ACOX3: variants seen among roughly 807,000 people sequenced by gnomAD.
The protein encoded by ACOX3 is acyl-CoA oxidase 3, pristanoyl.
Under a neutral mutation model 81.5 loss-of-function variants are expected in ACOX3, and 73 were observed. The observed-to-expected ratio is 0.90, with a 90% CI of 0.74 to 1.09. The LOEUF is 1.09. Among genes scored for constraint, ACOX3 ranks in the 50% least tolerant of loss-of-function variants. ACOX3 has a pLI of 0.00. For synonymous variants in ACOX3, 387 were observed against 375.1 expected, an observed-to-expected ratio of 1.03 and a Z score of -0.37; for missense variants, 947 against 928.0, an observed-to-expected ratio of 1.02 and a Z score of -0.27.
At chr4:8,356,965 T>TGCA in the ACOX3 span, 4 of 452,180 alleles carry the variant, frequency 8.8e-6, no homozygotes, top group South Asian at 6.2e-5. Context: ...AGCAGAATGG[T>TGCA]GCATGCTAAG....
rs533523649 is a variant in ACOX3 at position 8,382,303 on chromosome 4, G to C, written c.1538-696C>G. Among the ~76,000 whole-genome samples, 1 of 152,190 alleles carries C rather than the reference G, an allele frequency of 6.6e-6. No homozygotes were observed. Among genetic ancestry groups the C allele is most frequent in the African/African-American group, 2.4e-5 (1 of 41,444 alleles). ...CCCTGGCAGTGGTGCCCACATCTGC[G>C]GGGCCCCCCACAGCACAGCCAGAGC... On this transcript the variant is annotated intron_variant, in intron 13 of 17. Coordinates refer to ENST00000356406, the MANE Select transcript of ACOX3 (RefSeq NM_003501.3). This position sits in a 1 kb window ranked among gnomAD's most constrained non-coding sequence, Gnocchi z 4.1.
At chr4:8,433,177 C>T (rs2109046822) in intron 1 of ACOX3, among the ~76,000 whole-genome samples, 1 of 152,376 alleles carries the variant, frequency 6.6e-6, no homozygotes, top group Admixed American at 6.5e-5. Flanking sequence ...CAAAGGGAAA[C>T]AGTCTGAGAT....
rs111735591 is a variant in ACOX3, at chr4:8,432,433, CTG to C, written c.-15+8213_-15+8214del. On this transcript the variant is annotated intron_variant, in intron 1 of 17. Transcript: ENST00000356406. This position sits in a 1 kb window ranked among gnomAD's most constrained non-coding sequence, Gnocchi z 6.2. ...TATTTTTAGTAGAGACAGGTTTTCA[CTG>C]TGTTAGCCAGGATAGTCTCGATCTC... Among the ~76,000 whole-genome samples, 4 of 152,162 alleles carry C rather than the reference CTG, an allele frequency of 2.6e-5. 1 individual carries two copies. Among genetic ancestry groups the C allele is most frequent in the African/African-American group, 9.6e-5 (4 of 41,516 alleles).
chr4:8,365,324 A>G (rs1184085219), downstream of ACOX3, among the ~76,000 whole-genome samples: 5 of 152,256 alleles, frequency 3.3e-5, no homozygotes, highest in Non-Finnish European at 7.3e-5. Context: ...GAAAGCAGGA[A>G]GAGTATCATA....
chr4:8,367,112 CAA>C, intron 17 of ACOX3, 32 bp from the exon 18 acceptor site: 1 of 1,605,204 alleles, frequency 6.2e-7, no homozygotes. Flanking sequence ...CAAGTGAAGA[CAA>C]AGAAATAAGA....
chr4:8,359,985 G>A, the ACOX3 span, among the ~76,000 whole-genome samples: 1 of 152,154 alleles, frequency 6.6e-6, no homozygotes, highest in Non-Finnish European at 1.5e-5. This position sits in a 1 kb window ranked among gnomAD's most constrained non-coding sequence, Gnocchi z 6.0. Context: ...CACGGACTTA[G>A]GACACCTTTA....
chr4:8,398,899 T>C (rs895740386), intron 8 of ACOX3, among the ~76,000 whole-genome samples: 3 of 152,236 alleles, frequency 2.0e-5, no homozygotes, highest in African/African-American at 7.2e-5. Flanking sequence ...TTTTAATTGA[T>C]GTTGGATTAA....
intron 7 of ACOX3, among the ~76,000 whole-genome samples, chr4:8,402,349 A>G (rs1208150745): frequency 3.3e-5 from 5 of 152,196 alleles, no homozygotes; most frequent in African/African-American, 1.2e-4. Flanking sequence ...CCAGCTGCCC[A>G]GTTTGGTAGC....
intron 14 of ACOX3, among the ~76,000 whole-genome samples, chr4:8,379,099 C>A (rs1226044672): frequency 6.6e-6 from 1 of 152,248 alleles, no homozygotes; most frequent in Non-Finnish European, 1.5e-5. Flanking sequence ...CTTCCACAGG[C>A]TGCTGTGTGT....
chr4:8,414,001 A>C lies in ACOX3; in HGVS notation c.543+291T>G, dbSNP rs1424053427. Among the ~76,000 whole-genome samples the C allele has an allele frequency of 6.6e-6, 1 of 152,212 alleles. No individual in the cohort carries two copies. Among genetic ancestry groups the C allele is most frequent in the African/African-American group, 2.4e-5 (1 of 41,450 alleles). ...GCATAGGCAGCCAGGTAAACAAGGC[A>C]ATAAATTTTACAGAATGAGGGCTTC... is the stretch of plus-strand genomic sequence containing the variant. On this transcript the variant is annotated intron_variant, in intron 5 of 17. Coordinates refer to ENST00000356406, the MANE Select transcript of ACOX3 (RefSeq NM_003501.3). The surrounding 1 kb of genome is among the most constrained non-coding windows in gnomAD (Gnocchi z 6.1).
intron 13 of ACOX3, among the ~76,000 whole-genome samples, chr4:8,388,345 T>C (rs1718549223): frequency 6.6e-6 from 1 of 152,234 alleles, no homozygotes; most frequent in African/African-American, 2.4e-5. Flanking sequence ...GCACAGGTTC[T>C]CCATCATGCT....
rs1199844651 is a variant in ACOX3 at position 8,384,887 on chromosome 4, A to G, written c.1538-3280T>C. 6.6e-6 allele frequency among the ~76,000 whole-genome samples: 1 copy of G among 152,142 alleles called. No homozygotes were observed. Among genetic ancestry groups the G allele is most frequent in the Non-Finnish European group, 1.5e-5 (1 of 68,022 alleles). On this transcript the variant is annotated intron_variant, in intron 13 of 17. Coordinates refer to ENST00000356406, the MANE Select transcript of ACOX3 (RefSeq NM_003501.3). This position sits in a 1 kb window ranked among gnomAD's most constrained non-coding sequence, Gnocchi z 5.3. ...TGCTCCTGAATGGCCGGTGCTCCCCAAAAGCACAACGCACGGACCCTCTGA... is the reference window on the plus strand; with the variant it reads ...TGCTCCTGAATGGCCGGTGCTCCCCGAAAGCACAACGCACGGACCCTCTGA...
intron 13 of ACOX3, among the ~76,000 whole-genome samples, chr4:8,388,116 T>C (rs538555047): frequency 2.6e-4 from 40 of 152,310 alleles, no homozygotes; most frequent in Admixed American, 2.4e-3. Context: ...CCCTGCTGCC[T>C]CCGCCTCCTG....
chr4:8,368,365 G>C lies in ACOX3; in HGVS notation c.1984-1285C>G, dbSNP rs904446989. ...ATGAAGGGCGAAGGGCAGCTGAGCAGACACTTCACCCGTGCAGGGTGGAAA... is the reference window on the plus strand; with the variant it reads ...ATGAAGGGCGAAGGGCAGCTGAGCACACACTTCACCCGTGCAGGGTGGAAA... On this transcript the variant is annotated intron_variant, in intron 17 of 17. Coordinates refer to ENST00000356406, the MANE Select transcript of ACOX3 (RefSeq NM_003501.3). The surrounding 1 kb of genome is among the most constrained non-coding windows in gnomAD (Gnocchi z 5.9). Among the ~76,000 whole-genome samples the C allele has an allele frequency of 3.3e-5, 5 of 152,260 alleles. No individual in the cohort carries two copies. Among genetic ancestry groups the C allele is most frequent in the Non-Finnish European group, 7.3e-5 (5 of 68,048 alleles).
chr4:8,378,496 C>T (rs1167818823), intron 14 of ACOX3, among the ~76,000 whole-genome samples: 3 of 152,116 alleles, frequency 2.0e-5, no homozygotes, highest in African/African-American at 4.8e-5. Context: ...TGGAGGCAGG[C>T]TGCGGGGACG....
chr4:8,422,150 G>A (rs1723016336), intron 1 of ACOX3, among the ~76,000 whole-genome samples: 1 of 152,040 alleles, frequency 6.6e-6, no homozygotes, highest in Admixed American at 6.6e-5. Flanking sequence ...AACAGAGAGA[G>A]AAAGGAAAGA....
At chr4:8,362,235 A>T (rs941404075), downstream of ACOX3, among the ~76,000 whole-genome samples, 2 of 152,246 alleles carry the variant, frequency 1.3e-5, no homozygotes, top group African/African-American at 4.8e-5. Context: ...CATGAATATC[A>T]AGCAAAACAG....
chr4:8,413,809 C>A (rs552831875), intron 5 of ACOX3, among the ~76,000 whole-genome samples: 78 of 152,366 alleles, frequency 5.1e-4, no homozygotes, highest in Non-Finnish European at 1.0e-3. Flanking sequence ...CCAGAGAGGT[C>A]AAGAGGATGG....
chr4:8,401,715 C>T (rs1355006145), intron 7 of ACOX3, among the ~76,000 whole-genome samples: 1 of 152,100 alleles, frequency 6.6e-6, no homozygotes, highest in Non-Finnish European at 1.5e-5. Flanking sequence ...GAGGTGGTCC[C>T]ACCTGCCTGT....
Sources: allele counts gnomAD v4.1 joint callset (sites outside exome capture counted in the v4.1 genomes callset), GRCh38; gene constraint gnomAD v4.1.1; non-coding constraint Gnocchi (gnomAD v3.1); transcripts MANE v1.5; gene names NCBI Gene and HGNC (gene_info 2026-07-23, HGNC 2026-07-21).